The following OPCML variants were observed in gnomAD, a reference collection of about 807,000 sequenced individuals.
OPCML encodes opioid binding protein/cell adhesion molecule like.
A neutral mutation model predicts 37.8 loss-of-function variants in OPCML; 13 were observed. The ratio of observed to expected loss-of-function variants is 0.34; its 90% CI spans 0.22 to 0.55. OPCML has a LOEUF of 0.55. Among genes scored for constraint, OPCML ranks in the 20% least tolerant of loss-of-function variants. The probability of loss-of-function intolerance (pLI) is 0.91; values close to 1 mark genes in which losing one functional copy is unlikely to be tolerated. For synonymous variants in OPCML, 176 were observed against 168.8 expected (o/e 1.04, Z -0.33); for missense variants, 341 against 435.6 (o/e 0.78, Z 1.93).
chr11:133,309,289 G>A (rs1273311567), intron 1 of OPCML, among the ~76,000 whole-genome samples: 2 of 152,170 alleles, frequency 1.3e-5, no homozygotes, highest in South Asian at 2.1e-4. Context: ...TATACCAGCT[G>A]CTGTCATGAA....
In OPCML at chr11:133,147,608, A is replaced by G. The variant is rs148808263; in HGVS notation, c.62-204598T>C. Among the ~76,000 whole-genome samples, 124 of 152,276 alleles carry G rather than the reference A, an allele frequency of 8.1e-4. 1 individual carries two copies. The highest frequency in any genetic ancestry group is 2.9e-3 in the African/African-American group (120 of 41,554). ...TGTTTTGGGAATTAAACCAGGTAAT[A>G]CACAGAAGGGATGGGTGGCTCTGCC... is the stretch of plus-strand genomic sequence containing the variant. On this transcript the variant is annotated intron_variant, in intron 1 of 7. Coordinates refer to ENST00000524381, the MANE Select transcript of OPCML (RefSeq NM_001012393.5).
intron 1 of OPCML, among the ~76,000 whole-genome samples, chr11:133,110,096 T>G (rs947333457): frequency 6.6e-6 from 1 of 152,206 alleles, no homozygotes; most frequent in Non-Finnish European, 1.5e-5. Flanking sequence ...AGGACAACCC[T>G]GTACCTATAA....
At chr11:133,506,535 T>C (rs1948034756) in intron 1 of OPCML, among the ~76,000 whole-genome samples, 1 of 152,190 alleles carries the variant, frequency 6.6e-6, no homozygotes, top group Non-Finnish European at 1.5e-5. Flanking sequence ...GGCGTTGTGA[T>C]CCCTCAGGAA....
intron 1 of OPCML, among the ~76,000 whole-genome samples, chr11:133,150,897 G>T (rs903998195): frequency 6.6e-6 from 1 of 152,094 alleles, no homozygotes; most frequent in African/African-American, 2.4e-5. Context: ...GAGAAGGACT[G>T]AGAGCTCCTC....
At chr11:133,335,733 G>A (rs148550202) in intron 1 of OPCML, among the ~76,000 whole-genome samples, 7 of 152,210 alleles carry the variant, frequency 4.6e-5, no homozygotes, top group East Asian at 1.9e-4. Flanking sequence ...TTAACCGGGC[G>A]AGGATGCAGC....
chr11:133,263,878 G>A lies in OPCML; in HGVS notation c.61+268386C>T, dbSNP rs529482330. Among the ~76,000 whole-genome samples, 13 of 152,284 alleles carry A rather than the reference G, an allele frequency of 8.5e-5. 2 individuals are homozygous for A. The highest frequency in any genetic ancestry group is 3.9e-4 in the East Asian group (2 of 5,178). On this transcript the variant is annotated intron_variant, in intron 1 of 7. Transcript: ENST00000524381. ...AGCCTTGCTACTTTCCAAGCTAAAC[G>A]TGGAGTTATTTTGTAAAAGTTCTCC...
intron 1 of OPCML, among the ~76,000 whole-genome samples, chr11:133,178,951 A>G (rs1455228897): frequency 6.6e-6 from 1 of 152,162 alleles, no homozygotes; most frequent in African/African-American, 2.4e-5. Context: ...CTAAAGGGGA[A>G]AGACTCTGAA....
intron 3 of OPCML, among the ~76,000 whole-genome samples, chr11:132,549,147 C>T (rs188184091): frequency 4.7e-4 from 71 of 152,240 alleles, no homozygotes; most frequent in South Asian, 3.7e-3. Flanking sequence ...GTAAAGACGC[C>T]GGCCAAAACT....
At chr11:133,382,752 C>A (rs992022425) in intron 1 of OPCML, among the ~76,000 whole-genome samples, 2 of 152,150 alleles carry the variant, frequency 1.3e-5, no homozygotes, top group Non-Finnish European at 2.9e-5. Flanking sequence ...TATCTCCCAC[C>A]GATCGATGTT....
intron 1 of OPCML, among the ~76,000 whole-genome samples, chr11:133,397,912 G>A (rs571451442): frequency 2.4e-4 from 36 of 152,292 alleles, no homozygotes; most frequent in African/African-American, 7.9e-4. Flanking sequence ...TTTGGTGAAG[G>A]CATTTCTTCA....
intron 1 of OPCML, among the ~76,000 whole-genome samples, chr11:133,087,976 T>C (rs1948841399): frequency 6.6e-6 from 1 of 152,232 alleles, no homozygotes; most frequent in South Asian, 2.1e-4. Context: ...TGCCAAAGTA[T>C]CCACTGTGTA....
intron 2 of OPCML, among the ~76,000 whole-genome samples, chr11:132,775,389 G>T (rs1489013401): frequency 3.9e-5 from 6 of 152,194 alleles, no homozygotes; most frequent in Non-Finnish European, 2.9e-5. Context: ...ACAGCTTTTT[G>T]TTATGTGACC....
chr11:133,143,410 C>T (rs966767253), intron 1 of OPCML, among the ~76,000 whole-genome samples: 1 of 152,152 alleles, frequency 6.6e-6, no homozygotes, highest in African/African-American at 2.4e-5. Context: ...CCAACATGAC[C>T]TAGAAACATC....
rs1565577219 is a variant in OPCML, at chr11:132,455,539, A to ATGT, written c.506-18181_506-18180insACA. Among the ~76,000 whole-genome samples the ATGT allele has an allele frequency of 3.3e-3, 509 of 152,282 alleles. 3 individuals carry two copies. Among genetic ancestry groups the ATGT allele is most frequent in the African/African-American group, 0.011 (471 of 41,564 alleles). Reference sequence around the variant, plus strand: ...TTGAGATGCCACTTAGGAGCATGCTATCTCCCTTGCTGGAGATAGTCTTTG... The same window carrying ATGT: ...TTGAGATGCCACTTAGGAGCATGCTATGTTCTCCCTTGCTGGAGATAGTCTTTG... On this transcript the variant is annotated intron_variant, in intron 4 of 7. Coordinates refer to ENST00000524381, the MANE Select transcript of OPCML (RefSeq NM_001012393.5).
chr11:132,511,555 G>T (rs2096268896), intron 4 of OPCML, among the ~76,000 whole-genome samples: 1 of 151,980 alleles, frequency 6.6e-6, no homozygotes, highest in Non-Finnish European at 1.5e-5. Context: ...TCAGGCATAA[G>T]AATAGACATA....
intron 1 of OPCML, among the ~76,000 whole-genome samples, chr11:132,965,849 G>A (rs1362387316): frequency 2.6e-5 from 4 of 152,118 alleles, no homozygotes; most frequent in Admixed American, 1.3e-4. Flanking sequence ...ACTGTTGATA[G>A]TGTTTTATTA....
intron 3 of OPCML, among the ~76,000 whole-genome samples, chr11:132,535,457 G>A (rs2096338101): frequency 6.6e-6 from 1 of 152,192 alleles, no homozygotes; most frequent in Admixed American, 6.5e-5. Flanking sequence ...GGGACCAGAT[G>A]CAGAGGTGGC....
At chr11:133,137,909 C>A (rs1353175699) in intron 1 of OPCML, among the ~76,000 whole-genome samples, 1 of 152,152 alleles carries the variant, frequency 6.6e-6, no homozygotes, top group Middle Eastern at 3.2e-3. Context: ...AAATTACATG[C>A]ACCAAGAAGC....
At chr11:132,552,972 G>T (rs1342505422) in intron 3 of OPCML, among the ~76,000 whole-genome samples, 1 of 151,910 alleles carries the variant, frequency 6.6e-6, no homozygotes, top group African/African-American at 2.4e-5. Context: ...CACAGTGTTA[G>T]CCAGGATGGT....
Sources: gnomAD v4.1 joint callset for allele counts (sites outside exome capture counted in the v4.1 genomes callset) on GRCh38, gnomAD v4.1.1 for gene constraint, MANE v1.5 for transcripts, NCBI Gene and HGNC (gene_info 2026-07-23, HGNC 2026-07-21) for gene names.